AGAP1: variants seen among roughly 807,000 people sequenced by gnomAD.
AGAP1 encodes the protein ArfGAP with GTPase domain, ankyrin repeat and PH domain 1.
Under a neutral mutation model 105.3 loss-of-function variants are expected in AGAP1, and 29 were observed. That is an observed-to-expected ratio of 0.28 (90% CI 0.21 to 0.38). The LOEUF (loss-of-function observed/expected upper bound fraction) is 0.38. AGAP1 is among the 10% of genes least tolerant of loss of function. The pLI is 1.00. For synonymous variants in AGAP1, 509 were observed against 485.9 expected (o/e 1.05, Z -0.63); for missense variants, 998 against 1,165.1 (o/e 0.86, Z 2.09).
intron 9 of AGAP1, among the ~76,000 whole-genome samples, chr2:235,846,606 C>T (rs948406880): frequency 1.3e-5 from 2 of 151,830 alleles, no homozygotes; most frequent in African/African-American, 4.8e-5. Flanking sequence ...ACTAGTATTA[C>T]AGGCGTGACC....
At chr2:235,860,214 A>G (rs1308798785) in intron 9 of AGAP1, among the ~76,000 whole-genome samples, 1 of 152,254 alleles carries the variant, frequency 6.6e-6, no homozygotes, top group East Asian at 1.9e-4. Context: ...ACACTGAGAA[A>G]TAAAAAATAT....
chr2:235,573,285 T>G (rs1944633359), intron 1 of AGAP1, among the ~76,000 whole-genome samples: 1 of 151,818 alleles, frequency 6.6e-6, no homozygotes, highest in South Asian at 2.1e-4. Flanking sequence ...GGGTTTTACT[T>G]TGTTGCCTAG....
chr2:236,102,995 G>A (rs1462060777), intron 16 of AGAP1, among the ~76,000 whole-genome samples: 3 of 105,684 alleles, frequency 2.8e-5, no homozygotes, highest in Admixed American at 1.2e-4. Context: ...CCTCCCCTCC[G>A]GGGTTTCTGC....
chr2:236,113,036 A>G lies in AGAP1; in HGVS notation c.2115-7156A>G, dbSNP rs1457101600. 1.3e-5 allele frequency among the ~76,000 whole-genome samples: 2 copies of G among 152,034 alleles called. No homozygotes were observed. The highest frequency in any genetic ancestry group is 2.9e-5 in the Non-Finnish European group (2 of 68,000). The stretch of plus-strand genomic sequence containing the variant: ...CCTTTTGAAACTTGCAATAAAATCT[A>G]CCTGTCTCTTCTTTCCTGCAGCCTT... On this transcript the variant is annotated intron_variant, in intron 16 of 17. Transcript: ENST00000304032. This position sits in a 1 kb window ranked among gnomAD's most constrained non-coding sequence, Gnocchi z 4.3.
chr2:235,968,412 C>T, intron 12 of AGAP1, 50 bp from the exon 13 acceptor site: 1 of 1,550,208 alleles, frequency 6.5e-7, no homozygotes. Flanking sequence ...TTTGTAAGTG[C>T]TCACTCTGCA....
At chr2:235,562,625 C>T (rs901264988) in intron 1 of AGAP1, among the ~76,000 whole-genome samples, 1 of 152,194 alleles carries the variant, frequency 6.6e-6, no homozygotes, top group African/African-American at 2.4e-5. Flanking sequence ...CTCCACATGC[C>T]TTCTTTTGTG....
rs1428711741 is a variant in AGAP1 at position 235,583,153 on chromosome 2, TGGGTTTTAATGTAAACTCA to T, written c.163+88319_163+88337del. ...CAGGGTCAGGTGTGGGTCCTCTGCCTGGGTTTTAATGTAAACTCAGGGTTTTAATGTAAGAACCTGTTTT... is the reference window on the plus strand; with the variant it reads ...CAGGGTCAGGTGTGGGTCCTCTGCCTGGGTTTTAATGTAAGAACCTGTTTT... On this transcript the variant is annotated intron_variant, in intron 1 of 17. Transcript: ENST00000304032. 2.0e-4 allele frequency among the ~76,000 whole-genome samples: 31 copies of T among 152,326 alleles called. No homozygotes were observed. In the South Asian group the frequency reaches 2.7e-3, roughly 13 times the overall value.
intron 12 of AGAP1, among the ~76,000 whole-genome samples, chr2:235,955,943 G>C (rs190135787): frequency 6.6e-6 from 1 of 152,118 alleles, no homozygotes; most frequent in Non-Finnish European, 1.5e-5. Flanking sequence ...TGCAGCAGTG[G>C]GTCATTTGAC....
At chr2:235,699,589 A>G (rs1298295890) in intron 1 of AGAP1, among the ~76,000 whole-genome samples, 1 of 152,166 alleles carries the variant, frequency 6.6e-6, no homozygotes, top group Non-Finnish European at 1.5e-5. Context: ...ATGCCCTCCA[A>G]AAAGTGAAGC....
chr2:235,764,459 A>G (rs970023608), intron 6 of AGAP1, among the ~76,000 whole-genome samples: 2 of 152,136 alleles, frequency 1.3e-5, no homozygotes, highest in African/African-American at 4.8e-5. Flanking sequence ...CAGGCACCTA[A>G]AGCACATCCC....
intron 12 of AGAP1, among the ~76,000 whole-genome samples, chr2:235,939,601 T>C (rs2053163413): frequency 7.1e-6 from 1 of 140,836 alleles, no homozygotes; most frequent in South Asian, 2.4e-4. Context: ...CCACCCACAT[T>C]CTCTTCAACC....
rs1022518069 is a variant in AGAP1, at chr2:235,799,719, T to G, written c.957+197T>G. On this transcript the variant is annotated intron_variant, in intron 8 of 17. Coordinates refer to ENST00000304032, the MANE Select transcript of AGAP1 (RefSeq NM_001037131.3). The surrounding 1 kb of genome is among the most constrained non-coding windows in gnomAD (Gnocchi z 5.0). ...GTTGAGTAGAATGGGAATTTCTTCATGTAGACATTCCTGACTTCGTGTGTC... is the reference window on the plus strand; with the variant it reads ...GTTGAGTAGAATGGGAATTTCTTCAGGTAGACATTCCTGACTTCGTGTGTC... Among the ~76,000 whole-genome samples, 1 of 152,164 alleles carries G rather than the reference T, an allele frequency of 6.6e-6. No individual in the cohort carries two copies. Among genetic ancestry groups the G allele is most frequent in the African/African-American group, 2.4e-5 (1 of 41,442 alleles).
At chr2:235,816,220 G>A (rs754469527) in intron 9 of AGAP1, among the ~76,000 whole-genome samples, 8 of 150,860 alleles carry the variant, frequency 5.3e-5, no homozygotes, top group African/African-American at 1.7e-4. Flanking sequence ...GGTGGATCGC[G>A]AGGTCAGGAG....
intron 6 of AGAP1, among the ~76,000 whole-genome samples, chr2:235,795,640 G>T (rs1252560094): frequency 6.6e-6 from 1 of 151,980 alleles, no homozygotes; most frequent in Non-Finnish European, 1.5e-5. Flanking sequence ...GACATAACAG[G>T]TAGAGGGGAA....
At position 236,036,773 on chromosome 2, in the gene AGAP1, C is replaced by G; in HGVS notation, c.1800+58C>G. 6.2e-7 allele frequency: 1 copy of G among 1,600,874 alleles called. No homozygotes were observed. ...GGGCTGCTCAGGGGGAGTGCGGGCC[C>G]CAAGTAATGCCCCAGGGAGGAGAAA... On this transcript the variant is annotated intron_variant, in intron 14 of 17. Coordinates refer to ENST00000304032, the MANE Select transcript of AGAP1 (RefSeq NM_001037131.3). This position sits in a 1 kb window ranked among gnomAD's most constrained non-coding sequence, Gnocchi z 5.7.
rs1304061062 is a variant in AGAP1 at position 235,737,651 on chromosome 2, A to G, written c.311-3312A>G. Among the ~76,000 whole-genome samples, 1 of 152,204 alleles carries G rather than the reference A, an allele frequency of 6.6e-6. No individual in the cohort carries two copies. The highest frequency in any genetic ancestry group is 1.5e-5 in the Non-Finnish European group (1 of 68,030). Reference sequence around the variant, plus strand: ...AGAGGATGGACGTGAAATCCGTCCTATGCATGCTCACCTGACATGCAACAG... The same window carrying G: ...AGAGGATGGACGTGAAATCCGTCCTGTGCATGCTCACCTGACATGCAACAG... On this transcript the variant is annotated intron_variant, in intron 3 of 17. Transcript: ENST00000304032. The surrounding 1 kb of genome is among the most constrained non-coding windows in gnomAD (Gnocchi z 4.5).
At chr2:235,835,287 G>A (rs1001382811) in intron 9 of AGAP1, among the ~76,000 whole-genome samples, 5 of 152,186 alleles carry the variant, frequency 3.3e-5, no homozygotes, top group Non-Finnish European at 5.9e-5. Flanking sequence ...GTCAGAGCCT[G>A]TACACCCCAA....
rs1206234758 is a variant in AGAP1 at position 235,992,344 on chromosome 2, G to A, written c.1645+23721G>A. ...CCGTCAGTGCTCTCAGCTGTAAAATGGGAACGATCAGGTTGTCTACCTCCA... is the reference window on the plus strand; with the variant it reads ...CCGTCAGTGCTCTCAGCTGTAAAATAGGAACGATCAGGTTGTCTACCTCCA... On this transcript the variant is annotated intron_variant, in intron 13 of 17. Coordinates refer to ENST00000304032, the MANE Select transcript of AGAP1 (RefSeq NM_001037131.3). The surrounding 1 kb of genome is among the most constrained non-coding windows in gnomAD (Gnocchi z 4.8). Among the ~76,000 whole-genome samples, 1 of 152,154 alleles carries A rather than the reference G, an allele frequency of 6.6e-6. No homozygotes were observed. The highest frequency in any genetic ancestry group is 1.5e-5 in the Non-Finnish European group (1 of 68,012).
chr2:235,767,777 CTTTTTTTTTTTT>C (rs71414307), intron 6 of AGAP1, among the ~76,000 whole-genome samples: 6 of 62,050 alleles, frequency 9.7e-5, no homozygotes, highest in Admixed American at 7.5e-4. Context: ...AGTTTCTTGT[CTTTTTTTTTTTT>C]TTTTTTTTTT....
Sources: gnomAD v4.1 joint callset for allele counts (sites outside exome capture counted in the v4.1 genomes callset) on GRCh38, gnomAD v4.1.1 for gene constraint, Gnocchi (gnomAD v3.1) non-coding constraint, MANE v1.5 for transcripts, NCBI Gene and HGNC (gene_info 2026-07-23, HGNC 2026-07-21) for gene names.